Variants in ABCA12 observed in about 807,000 individuals in gnomAD.
ABCA12 encodes glucosylceramide transporter ABCA12.
In ABCA12, 156 loss-of-function variants were observed where a neutral mutation model predicts 293.5. The observed-to-expected ratio is 0.53, with a 90% CI of 0.47 to 0.61. The LOEUF is 0.61. Among genes scored for constraint, ABCA12 ranks in the 20% least tolerant of loss-of-function variants. The probability of loss-of-function intolerance (pLI) is 0.00; values close to 1 mark genes in which losing one functional copy is unlikely to be tolerated. For synonymous variants in ABCA12, 1,063 were observed against 1,108.0 expected (o/e 0.96, Z 0.81); for missense variants, 2,797 against 3,090.2 (o/e 0.91, Z 2.25).
At chr2:215,043,944 G>GT (rs1701152759) in intron 7 of ABCA12, among the ~76,000 whole-genome samples, 1 of 151,836 alleles carries the variant, frequency 6.6e-6, no homozygotes, top group African/African-American at 2.4e-5. Context: ...TTTTTGTTTT[G>GT]ATGTTTTTGC....
intron 2 of ABCA12, among the ~76,000 whole-genome samples, chr2:215,068,698 A>T (rs981480154): frequency 6.6e-6 from 1 of 150,698 alleles, no homozygotes; most frequent in Non-Finnish European, 1.5e-5. Flanking sequence ...TCAATTTCCA[A>T]TTCTTCTTTT....
At chr2:215,037,118 G>A (rs1701011113) in intron 7 of ABCA12, 53 bp from the exon 8 acceptor site, 2 of 1,414,178 alleles carry the variant, frequency 1.4e-6, no homozygotes, top group South Asian at 1.2e-5. Context: ...TTTGCAGACA[G>A]AAACAAAAGA....
rs749786163 is a variant in ABCA12, at chr2:214,982,212, C to A, written c.4554G>T (p.Trp1518Cys). The A allele has an allele frequency of 3.1e-6, 5 of 1,613,810 alleles. No individual in the cohort carries two copies. The Admixed American group carries it at 8.3e-5, about 27-fold the overall frequency. The change falls in exon 30 of 53, where the codon TGG becomes TGT. Residue 1518 changes from tryptophan to cysteine, a missense_variant. Physicochemically the swap from Trp to Cys is radical, Grantham distance 215. This residue lies in a region of ABCA12 where 2,130 missense variants were observed against 2,427.0 expected (regional missense o/e 0.88). Coordinates refer to ENST00000272895, the MANE Select transcript of ABCA12 (RefSeq NM_173076.3). ...GVDPCSRRSI[W>C]DVISKNKTAR... ...CAGTTTTGTTCTTGGATATAACATCCCATATACTTCGGCGAGAACATGGGT... is the reference window on the plus strand; with the variant it reads ...CAGTTTTGTTCTTGGATATAACATCACATATACTTCGGCGAGAACATGGGT...
intron 24 of ABCA12, among the ~76,000 whole-genome samples, chr2:214,990,133 T>C (rs919062183): frequency 6.6e-6 from 1 of 152,252 alleles, no homozygotes; most frequent in Non-Finnish European, 1.5e-5. Flanking sequence ...TATTCATTAC[T>C]TTTTATTTCC....
At chr2:214,964,573 A>G (rs1372185358) in intron 39 of ABCA12, among the ~76,000 whole-genome samples, 10 of 152,156 alleles carry the variant, frequency 6.6e-5, no homozygotes, top group Admixed American at 5.2e-4. Context: ...TAGCATTCCT[A>G]TACACCAACA....
chr2:215,074,860 T>G (rs1022580483), intron 2 of ABCA12, among the ~76,000 whole-genome samples: 11 of 152,054 alleles, frequency 7.2e-5, no homozygotes, highest in African/African-American at 2.7e-4. Flanking sequence ...GAGAATCACT[T>G]GAACCCGGGA....
intron 8 of ABCA12, chr2:215,035,713 T>C (rs1700978072): frequency 6.8e-6 from 1 of 147,798 alleles, no homozygotes; most frequent in Non-Finnish European, 1.5e-5. Context: ...AGCACAGTCA[T>C]AGACATAAGA....
At chr2:215,096,508 G>GT (rs1386753261) in intron 2 of ABCA12, among the ~76,000 whole-genome samples, 7 of 152,276 alleles carry the variant, frequency 4.6e-5, no homozygotes, top group Admixed American at 3.9e-4. Flanking sequence ...TCACTATTCT[G>GT]TTTTCTCAGA....
At chr2:215,065,163 T>C (rs1437743391) in intron 2 of ABCA12, among the ~76,000 whole-genome samples, 1 of 151,798 alleles carries the variant, frequency 6.6e-6, no homozygotes. Context: ...ATACACATCT[T>C]TTCACAATTA....
intron 2 of ABCA12, among the ~76,000 whole-genome samples, chr2:215,103,984 T>A (rs1702411768): frequency 6.6e-6 from 1 of 150,744 alleles, no homozygotes. Flanking sequence ...CAGATTCCAT[T>A]TAAAAAAAAT....
chr2:214,935,643 A>G (rs1310168301), intron 51 of ABCA12, among the ~76,000 whole-genome samples: 1 of 152,092 alleles, frequency 6.6e-6, no homozygotes, highest in African/African-American at 2.4e-5. Flanking sequence ...CAAAAAATCC[A>G]AAACTTAGCA....
At chr2:215,128,058 T>C (rs1434482715) in intron 1 of ABCA12, among the ~76,000 whole-genome samples, 2 of 152,212 alleles carry the variant, frequency 1.3e-5, no homozygotes, top group Non-Finnish European at 2.9e-5. Flanking sequence ...ATATGACGCT[T>C]TGTTTTGCTG....
intron 42 of ABCA12, 54 bp downstream of exon 42, chr2:214,956,609 C>G (rs199793581): frequency 1.1e-4 from 150 of 1,308,876 alleles, no homozygotes; most frequent in Non-Finnish European, 1.6e-4. Flanking sequence ...CTATTTGTGT[C>G]TAGGGGCATT....
intron 23 of ABCA12, among the ~76,000 whole-genome samples, chr2:214,995,491 G>C (rs144934265): frequency 5.7e-4 from 87 of 152,262 alleles, no homozygotes; most frequent in African/African-American, 2.0e-3. Context: ...AAGAGGATTG[G>C]TTGGAAGTCA....
At position 215,012,123 on chromosome 2, in the gene ABCA12, T is replaced by C. The variant is rs1442426034; in HGVS notation, c.1969A>G (p.Arg657Gly). ...TTTTCTACTGGCTTTTGATCTTTCC[T>C]CGGGAAAAACACCTAACAGAAACAG... The part of the protein sequence containing the change: ...YNFTYKVFFP[R>G]KDQKPVEKMM... Residue 657 changes from arginine to glycine, a missense_variant, in exon 16 of 53, where the codon AGG becomes GGG. Physicochemically the swap from Arg to Gly is moderately radical, Grantham distance 125. Transcript: ENST00000272895. The C allele has an allele frequency of 6.2e-7, 1 of 1,613,928 alleles. No homozygotes were observed. The highest frequency in any genetic ancestry group is 1.7e-5 in the Admixed American group (1 of 60,020).
intron 28 of ABCA12, among the ~76,000 whole-genome samples, chr2:214,985,650 T>A (rs1699768583): frequency 6.6e-6 from 1 of 152,200 alleles, no homozygotes; most frequent in Admixed American, 6.5e-5. Flanking sequence ...AGAGGCTGTA[T>A]GCTCACTCAT....
At chr2:215,101,288 A>G (rs1343499480) in intron 2 of ABCA12, among the ~76,000 whole-genome samples, 1 of 152,212 alleles carries the variant, frequency 6.6e-6, no homozygotes, top group Non-Finnish European at 1.5e-5. Context: ...AAAAGAAAGG[A>G]AAAAGTAGCT....
chr2:215,065,460 T>A (rs1454292027), intron 2 of ABCA12, among the ~76,000 whole-genome samples: 1 of 151,952 alleles, frequency 6.6e-6, no homozygotes, highest in Non-Finnish European at 1.5e-5. Context: ...AATAGGTATT[T>A]GATTCCAGTA....
intron 8 of ABCA12, chr2:215,035,694 A>G (rs1700977621): frequency 1.3e-5 from 2 of 151,332 alleles, no homozygotes; most frequent in South Asian, 2.1e-4. Context: ...AAGACTTGCC[A>G]AAATGATTAG....
Sources: gnomAD v4.1 joint callset for allele counts (sites outside exome capture counted in the v4.1 genomes callset) on GRCh38, gnomAD v4.1.1 for gene constraint, gnomAD v4.1.1 regional missense constraint, MANE v1.5 for transcripts, NCBI Gene and HGNC (gene_info 2026-07-23, HGNC 2026-07-21) for gene names.